Variants in CHRM3 observed in about 807,000 individuals in gnomAD.
CHRM3 encodes cholinergic receptor muscarinic 3, also known as muscarinic acetylcholine receptor M3.
A neutral mutation model predicts 41.8 loss-of-function variants in CHRM3; 11 were observed. The observed-to-expected ratio is 0.26, with a 90% confidence interval of 0.17 to 0.44. The LOEUF is 0.44. CHRM3 is among the 20% of genes least tolerant of loss of function. CHRM3 has a pLI of 1.00. For missense variants in CHRM3, 571 were observed against 745.4 expected (o/e 0.77, Z 2.72); for synonymous variants, 297 against 301.4 (o/e 0.99, Z 0.15).
intron 4 of CHRM3, among the ~76,000 whole-genome samples, chr1:239,651,274 A>G (rs985941445): frequency 3.9e-5 from 6 of 152,206 alleles, no homozygotes; most frequent in Admixed American, 2.0e-4. Flanking sequence ...GTGTCAAATC[A>G]AAGAATTAAG....
intron 5 of CHRM3, among the ~76,000 whole-genome samples, chr1:239,807,817 C>T (rs1336957812): frequency 4.0e-5 from 5 of 125,376 alleles, no homozygotes; most frequent in South Asian, 2.3e-4. Context: ...TTTTGCTTTG[C>T]GCACACACAC....
At chr1:239,703,214 C>G (rs1021348475) in intron 5 of CHRM3, 2 of 152,140 alleles carry the variant, frequency 1.3e-5, no homozygotes, top group African/African-American at 4.8e-5. Context: ...GAGGAAGTTC[C>G]TAAGTTGTCT....
intron 3 of CHRM3, among the ~76,000 whole-genome samples, chr1:239,590,694 G>A (rs1173756083): frequency 4.6e-5 from 7 of 151,994 alleles, no homozygotes; most frequent in Non-Finnish European, 1.5e-5. Context: ...GTTTCTCCAG[G>A]GAAGATAGAA....
intron 5 of CHRM3, among the ~76,000 whole-genome samples, chr1:239,804,704 C>G (rs569969768): frequency 6.6e-6 from 1 of 152,166 alleles, no homozygotes. Context: ...CAACTCGGTT[C>G]GAGCTAAATG....
chr1:239,419,417 T>C (rs915471789), intron 1 of CHRM3, among the ~76,000 whole-genome samples: 4 of 151,768 alleles, frequency 2.6e-5, no homozygotes, highest in African/African-American at 7.3e-5. Context: ...ACAGTGAATG[T>C]GTTACAGTTT....
At chr1:239,814,075 C>T (rs1671374603) in intron 5 of CHRM3, among the ~76,000 whole-genome samples, 1 of 151,908 alleles carries the variant, frequency 6.6e-6, no homozygotes, top group Non-Finnish European at 1.5e-5. Context: ...AATGCAGAAA[C>T]AGTCTCAGAA....
chr1:239,565,678 T>C (rs1459251415), intron 3 of CHRM3, among the ~76,000 whole-genome samples: 1 of 152,166 alleles, frequency 6.6e-6, no homozygotes, highest in Non-Finnish European at 1.5e-5. Flanking sequence ...TTAGTCTTTT[T>C]AAAAGTTTCA....
intron 1 of CHRM3, among the ~76,000 whole-genome samples, chr1:239,393,883 T>C (rs1406616458): frequency 6.6e-6 from 1 of 152,214 alleles, no homozygotes; most frequent in Non-Finnish European, 1.5e-5. Context: ...AATACATGTT[T>C]GAGTAGAATG....
chr1:239,573,407 G>A (rs1020951700), intron 3 of CHRM3, among the ~76,000 whole-genome samples: 7 of 152,092 alleles, frequency 4.6e-5, no homozygotes, highest in African/African-American at 7.2e-5. Flanking sequence ...ATGTCCCAGG[G>A]CCAAAGCCTT....
intron 5 of CHRM3, chr1:239,707,192 G>T (rs1327940298): frequency 3.3e-5 from 5 of 152,120 alleles, no homozygotes; most frequent in African/African-American, 1.2e-4. Context: ...GTTATATAAA[G>T]AATATAATAA....
At chr1:239,872,981 A>G (rs1478325709) in intron 6 of CHRM3, among the ~76,000 whole-genome samples, 1 of 152,106 alleles carries the variant, frequency 6.6e-6, no homozygotes, top group Non-Finnish European at 1.5e-5. Flanking sequence ...CCAGGACCAG[A>G]AGAAGTTGTC....
At chr1:239,893,357 G>A (rs1301904899) in intron 6 of CHRM3, among the ~76,000 whole-genome samples, 1 of 152,172 alleles carries the variant, frequency 6.6e-6, no homozygotes, top group Non-Finnish European at 1.5e-5. Flanking sequence ...TGCTTTATAA[G>A]CTTAGGTATT....
intron 1 of CHRM3, among the ~76,000 whole-genome samples, chr1:239,401,073 T>C (rs1659930697): frequency 6.6e-6 from 1 of 151,892 alleles, no homozygotes; most frequent in Non-Finnish European, 1.5e-5. Flanking sequence ...GAAAAGAAAA[T>C]CAAAGTTGAT....
At chr1:239,708,078 T>C (rs1045573903) in intron 5 of CHRM3, among the ~76,000 whole-genome samples, 5 of 152,192 alleles carry the variant, frequency 3.3e-5, no homozygotes, top group African/African-American at 9.6e-5. Context: ...TTCTGCAACA[T>C]GGGAGAAGAC....
At chr1:239,696,201 C>G (rs1454888408) in intron 5 of CHRM3, among the ~76,000 whole-genome samples, 1 of 152,132 alleles carries the variant, frequency 6.6e-6, no homozygotes, top group Admixed American at 6.6e-5. Context: ...TGATAGCTGT[C>G]CTATGGCTTG....
intron 6 of CHRM3, among the ~76,000 whole-genome samples, chr1:239,900,965 G>C (rs1171037951): frequency 6.6e-6 from 1 of 152,138 alleles, no homozygotes; most frequent in Non-Finnish European, 1.5e-5. Context: ...CTTACAACAA[G>C]GTTCCCTGTT....
chr1:239,785,224 A>G (rs1012304537), intron 5 of CHRM3, among the ~76,000 whole-genome samples: 16 of 152,186 alleles, frequency 1.1e-4, no homozygotes, highest in African/African-American at 3.9e-4. Context: ...ATAAAAGCCA[A>G]GCAGTTCAGG....
chr1:239,874,768 G>A (rs555908152), intron 6 of CHRM3, among the ~76,000 whole-genome samples: 70 of 151,572 alleles, frequency 4.6e-4, no homozygotes, highest in African/African-American at 1.6e-3. Flanking sequence ...GCGTGATCTC[G>A]GCTCGCTGCA....
chr1:239,464,151 A>G (rs12117089), intron 1 of CHRM3, among the ~76,000 whole-genome samples: 37,741 of 151,590 alleles, frequency 0.25, 4,947 homozygotes, highest in African/African-American at 0.31. Flanking sequence ...GTGGTGATGC[A>G]CAACTGTAGT....
Sources: allele counts gnomAD v4.1 joint callset (sites outside exome capture counted in the v4.1 genomes callset), GRCh38; gene constraint gnomAD v4.1.1; transcripts MANE v1.5; gene names NCBI Gene and HGNC (gene_info 2026-07-23, HGNC 2026-07-21).